The following DCAF6 variants were observed in gnomAD, a reference collection of about 807,000 sequenced individuals.
DCAF6 encodes DDB1- and CUL4-associated factor 6.
Under a neutral mutation model 125.1 loss-of-function variants are expected in DCAF6, and 54 were observed. The observed-to-expected ratio is 0.43, with a 90% CI of 0.35 to 0.54. DCAF6 has a LOEUF of 0.54. Among genes scored for constraint, DCAF6 ranks in the 20% least tolerant of loss-of-function variants. DCAF6 has a pLI of 0.01. For synonymous variants in DCAF6, 371 were observed against 390.4 expected (o/e 0.95, Z 0.58); for missense variants, 934 against 1,161.7 (o/e 0.80, Z 2.85).
At chr1:167,904,886 C>T in the DCAF6 span, 4 of 1,473,796 alleles carry the variant, frequency 2.7e-6, no homozygotes, top group South Asian at 1.1e-5. Context: ...TGTGACAGCC[C>T]AAGGGCTCCA....
rs554976311 is a variant in DCAF6 at position 168,073,988 on chromosome 1, A to G, written c.2792-1383A>G. ...TATTGAATACATATTTATAAAATAA[A>G]TGAACAAAATAAGATTTGAATAGAC... On this transcript the variant is annotated intron_variant, in intron 21 of 21. Coordinates refer to ENST00000367840, the MANE Select transcript of DCAF6 (RefSeq NM_001198956.2). Among the ~76,000 whole-genome samples the G allele has an allele frequency of 2.7e-5, 4 of 148,692 alleles. No homozygotes were observed. The South Asian group carries it at 6.6e-4, about 24-fold the overall frequency.
intron 10 of DCAF6, among the ~76,000 whole-genome samples, chr1:168,010,815 T>C (rs1175462535): frequency 1.3e-5 from 2 of 152,118 alleles, no homozygotes; most frequent in Non-Finnish European, 2.9e-5. Flanking sequence ...TTTCTTAAGT[T>C]AAGCCTAGAA....
At chr1:167,890,060 G>C in the DCAF6 span, among the ~76,000 whole-genome samples, 6 of 152,176 alleles carry the variant, frequency 3.9e-5, no homozygotes, top group East Asian at 9.6e-4. Context: ...CCACCCTGGT[G>C]CCTTATTTAG....
intron 21 of DCAF6, 125 bp downstream of exon 21, chr1:168,068,588 T>G: frequency 7.1e-6 from 3 of 423,828 alleles, no homozygotes; most frequent in Non-Finnish European, 1.2e-5. Context: ...GCTTAACTTC[T>G]AAACTAGGAT....
intron 3 of DCAF6, among the ~76,000 whole-genome samples, chr1:167,972,412 T>G (rs1677479107): frequency 1.3e-5 from 2 of 152,216 alleles, no homozygotes; most frequent in African/African-American, 4.8e-5. Context: ...TCAGATAAGC[T>G]TATTAAGGAG....
chr1:168,051,280 G>T (rs919378586), intron 17 of DCAF6, among the ~76,000 whole-genome samples: 1 of 152,166 alleles, frequency 6.6e-6, no homozygotes, highest in Non-Finnish European at 1.5e-5. Flanking sequence ...ATTTGATTGG[G>T]ATAACAATTA....
intron 17 of DCAF6, among the ~76,000 whole-genome samples, chr1:168,061,584 A>G (rs923935801): frequency 6.6e-6 from 1 of 152,148 alleles, no homozygotes; most frequent in Non-Finnish European, 1.5e-5. Context: ...ATTTGCCATA[A>G]TTTATTTAAC....
intron 10 of DCAF6, among the ~76,000 whole-genome samples, chr1:168,012,722 T>A (rs1048228507): frequency 6.6e-6 from 1 of 152,240 alleles, no homozygotes; most frequent in African/African-American, 2.4e-5. Context: ...CTTCTGAGCC[T>A]GATTTTGTTT....
At position 167,993,381 on chromosome 1, in the gene DCAF6, C is replaced by A; in HGVS notation, c.844C>A (p.Pro282Thr). The stretch of plus-strand genomic sequence containing the variant: ...TTCAGATTACATATATCTTTTTGAC[C>A]CGAAAGATGATACAGCACGAGAACT... Reference protein sequence around the residue: ...YSSDYIYLFDPKDDTARELKT... With the variant: ...YSSDYIYLFDTKDDTARELKT... Residue 282 changes from proline (P) to threonine (T), a missense_variant, in exon 7 of 22, where the codon CCG becomes ACG. Around this residue, in one of 5 missense-constraint regions of DCAF6, gnomAD observed 309 missense variants for 381.2 expected, o/e 0.81. Transcript: ENST00000367840. The A allele has an allele frequency of 6.2e-7, 1 of 1,613,650 alleles. No individual in the cohort carries two copies. The highest frequency in any genetic ancestry group is 2.2e-5 in the East Asian group (1 of 44,876).
At chr1:167,867,747 C>T in the DCAF6 span, among the ~76,000 whole-genome samples, 1 of 151,350 alleles carries the variant, frequency 6.6e-6, no homozygotes, top group Admixed American at 6.6e-5. Flanking sequence ...CAATAGCAAT[C>T]GGCATAGAAT....
At chr1:167,965,933 C>G (rs1676348967) in intron 2 of DCAF6, among the ~76,000 whole-genome samples, 1 of 152,104 alleles carries the variant, frequency 6.6e-6, no homozygotes. Context: ...CCGCGCCCGG[C>G]CTTCCCTGGA....
intron 3 of DCAF6, among the ~76,000 whole-genome samples, chr1:167,971,061 T>C (rs1294194876): frequency 6.6e-6 from 1 of 152,188 alleles, no homozygotes; most frequent in African/African-American, 2.4e-5. Flanking sequence ...CAGCTACTTA[T>C]AGTCCTCAGA....
chr1:167,894,656 G>C, the DCAF6 span, among the ~76,000 whole-genome samples: 1 of 152,044 alleles, frequency 6.6e-6, no homozygotes, highest in African/African-American at 2.4e-5. Context: ...GGCTGGTCCT[G>C]ATTTGTAGCC....
chr1:167,979,549 G>A (rs1360506025), intron 4 of DCAF6, among the ~76,000 whole-genome samples: 4 of 152,114 alleles, frequency 2.6e-5, no homozygotes, highest in African/African-American at 9.7e-5. Flanking sequence ...TCCTTTATAA[G>A]GCAGGAGAAG....
chr1:168,038,399 A>G lies in DCAF6; in HGVS notation c.1638A>G (p.Lys546=). The change falls in exon 13 of 22, where the codon AAA becomes AAG. Residue 546 remains lysine (K), a synonymous_variant. Transcript: ENST00000367840. The stretch of plus-strand genomic sequence containing the variant: ...ACAATAATGAAAAGCTGAGCCCCAA[A>G]CCAGGGACAGGTGAACCAGTTTTAA... The part of the protein sequence containing the change: ...QDNNNEKLSP[K]PGTGEPVLSL... The G allele has an allele frequency of 6.2e-7, 1 of 1,611,832 alleles. No individual in the cohort carries two copies. The highest frequency in any genetic ancestry group is 1.3e-5 in the African/African-American group (1 of 74,954).
chr1:168,065,522 AGAG>A (rs1436956792), intron 18 of DCAF6, 65 bp from the exon 19 acceptor site: 1 of 1,086,120 alleles, frequency 9.2e-7, no homozygotes, highest in African/African-American at 1.6e-5. Context: ...AAAAAATGTA[AGAG>A]TAGCATAAAT....
At chr1:167,868,065 T>C in the DCAF6 span, among the ~76,000 whole-genome samples, 2 of 152,098 alleles carry the variant, frequency 1.3e-5, no homozygotes, top group East Asian at 3.8e-4. Flanking sequence ...GTAAATACCT[T>C]AGTAAAAGAG....
chr1:168,063,007 G>A (rs34774552), intron 17 of DCAF6, among the ~76,000 whole-genome samples: 31,209 of 151,258 alleles, frequency 0.21, 3,941 homozygotes, highest in Admixed American at 0.37. Flanking sequence ...CGCCTCCCGG[G>A]TTCATGCCAT....
intron 12 of DCAF6, among the ~76,000 whole-genome samples, chr1:168,036,760 A>G (rs1249506859): frequency 2.6e-5 from 4 of 152,196 alleles, no homozygotes; most frequent in African/African-American, 9.6e-5. Flanking sequence ...TACCTCCTCT[A>G]AAACACTGAA....
Sources: gnomAD v4.1 joint callset for allele counts (sites outside exome capture counted in the v4.1 genomes callset) on GRCh38, gnomAD v4.1.1 for gene constraint, gnomAD v4.1.1 regional missense constraint, MANE v1.5 for transcripts, NCBI Gene and HGNC (gene_info 2026-07-23, HGNC 2026-07-21) for gene names.